The following HYCC1 variants were observed in gnomAD, a reference collection of about 807,000 sequenced individuals.
HYCC1 encodes the protein hyccin PI4KA lipid kinase complex subunit 1, also known as hyccin.
chr7:23,000,373 T>C, the HYCC1 span, among the ~76,000 whole-genome samples: 1 of 152,058 alleles, frequency 6.6e-6, no homozygotes, highest in Admixed American at 6.6e-5. Context: ...TATAGATAGG[T>C]ACCTATCTAT....
At chr7:22,997,463 C>G in the HYCC1 span, among the ~76,000 whole-genome samples, 1 of 152,160 alleles carries the variant, frequency 6.6e-6, no homozygotes, top group Non-Finnish European at 1.5e-5. Context: ...TTAAACTTCT[C>G]TCCTATGCAA....
the HYCC1 span, among the ~76,000 whole-genome samples, chr7:22,924,664 T>C: frequency 6.6e-6 from 1 of 152,040 alleles, no homozygotes. Context: ...CAGGCTTGAG[T>C]AGGTAAACAA....
At chr7:22,972,381 C>T in the HYCC1 span, among the ~76,000 whole-genome samples, 1 of 152,164 alleles carries the variant, frequency 6.6e-6, no homozygotes, top group African/African-American at 2.4e-5. Context: ...CAGGAACTCA[C>T]AGCTATCCAT....
At chr7:22,902,403 A>G in the HYCC1 span, among the ~76,000 whole-genome samples, 1 of 151,948 alleles carries the variant, frequency 6.6e-6, no homozygotes, top group Admixed American at 6.6e-5. Flanking sequence ...AAATAAAATT[A>G]ATTACAACAA....
the HYCC1 span, among the ~76,000 whole-genome samples, chr7:22,903,337 T>C: frequency 2.0e-5 from 3 of 151,640 alleles, no homozygotes; most frequent in Non-Finnish European, 4.4e-5. Flanking sequence ...AAACTTCTTG[T>C]AATGAAAAAA....
At chr7:22,947,670 C>T in the HYCC1 span, among the ~76,000 whole-genome samples, 3 of 152,010 alleles carry the variant, frequency 2.0e-5, no homozygotes, top group East Asian at 5.8e-4. Context: ...GATCTACAGC[C>T]AAACCTTTAG....
chr7:22,922,449 T>TA, the HYCC1 span, among the ~76,000 whole-genome samples: 1 of 152,214 alleles, frequency 6.6e-6, no homozygotes, highest in Non-Finnish European at 1.5e-5. Flanking sequence ...TCAGACCACT[T>TA]ACGTTAGCAT....
At chr7:22,947,156 C>T in the HYCC1 span, 1 of 1,550,396 alleles carries the variant, frequency 6.4e-7, no homozygotes, top group Non-Finnish European at 8.7e-7. Flanking sequence ...TTTCCCCATT[C>T]CCGGTTCTCT....
At chr7:22,932,675 T>C in the HYCC1 span, among the ~76,000 whole-genome samples, 1 of 152,164 alleles carries the variant, frequency 6.6e-6, no homozygotes, top group Non-Finnish European at 1.5e-5. Context: ...TTTGAACTTA[T>C]AAGTGATGCT....
the HYCC1 span, among the ~76,000 whole-genome samples, chr7:23,007,850 C>G: frequency 9.4e-4 from 143 of 152,172 alleles, no homozygotes; most frequent in African/African-American, 3.1e-3. Context: ...ATATGATCAT[C>G]TCAAGGTACA....
chr7:22,948,650 T>C, the HYCC1 span, among the ~76,000 whole-genome samples: 4 of 152,072 alleles, frequency 2.6e-5, no homozygotes, highest in Admixed American at 1.3e-4. Context: ...TATGCACTTC[T>C]GGGAGCCCCT....
the HYCC1 span, among the ~76,000 whole-genome samples, chr7:22,922,837 T>C: frequency 6.6e-6 from 1 of 152,176 alleles, no homozygotes; most frequent in East Asian, 1.9e-4. Context: ...TTTATAATGA[T>C]AAAAGTGTCA....
the HYCC1 span, among the ~76,000 whole-genome samples, chr7:22,975,947 T>C: frequency 6.6e-6 from 1 of 152,138 alleles, no homozygotes; most frequent in Non-Finnish European, 1.5e-5. Flanking sequence ...TTTGAACTCC[T>C]GGGTTCACGC....
the HYCC1 span, among the ~76,000 whole-genome samples, chr7:23,002,775 G>A: frequency 3.3e-5 from 5 of 152,102 alleles, no homozygotes; most frequent in South Asian, 2.1e-4. Context: ...TAGGGCTGCC[G>A]TAACAAAGTA....
the HYCC1 span, among the ~76,000 whole-genome samples, chr7:22,918,342 T>C: frequency 2.0e-5 from 3 of 152,252 alleles, no homozygotes; most frequent in African/African-American, 7.2e-5. Context: ...ATGCTATTTG[T>C]AACAACCCCA....
chr7:22,941,730 CTGA>C, the HYCC1 span: 2 of 152,078 alleles, frequency 1.3e-5, no homozygotes, highest in Non-Finnish European at 2.9e-5. Context: ...TTTATGCTCT[CTGA>C]TGAAGAATTT....
chr7:22,910,413 C>T, the HYCC1 span, among the ~76,000 whole-genome samples: 2 of 152,166 alleles, frequency 1.3e-5, no homozygotes, highest in Non-Finnish European at 1.5e-5. Context: ...TCACCAGAAG[C>T]CAAGCAAATG....
the HYCC1 span, chr7:22,978,585 T>C: frequency 2.8e-6 from 2 of 725,296 alleles, no homozygotes; most frequent in Non-Finnish European, 2.3e-6. Context: ...TTGTAGGGAG[T>C]TTCTTCCTAA....
At chr7:22,925,674 G>A in the HYCC1 span, among the ~76,000 whole-genome samples, 1 of 152,138 alleles carries the variant, frequency 6.6e-6, no homozygotes, top group Non-Finnish European at 1.5e-5. Context: ...AAGAAATACG[G>A]GACTATGTGA....
Sources: gnomAD v4.1 joint callset for allele counts (sites outside exome capture counted in the v4.1 genomes callset) on GRCh38, gnomAD v4.1.1 for gene constraint, MANE v1.5 for transcripts, NCBI Gene and HGNC (gene_info 2026-07-23, HGNC 2026-07-21) for gene names.